CSMD3: variants seen among roughly 807,000 people sequenced by gnomAD.
CSMD3 encodes the protein CUB and sushi domain-containing protein 3.
CSMD3 carries 177 observed loss-of-function variants against 435.2 expected under a neutral mutation model. That is an observed-to-expected ratio of 0.41 (90% CI 0.36 to 0.46). The LOEUF is 0.46. Ranked by LOEUF, CSMD3 falls within the 20% of genes least tolerant of loss-of-function variation. The pLI is 0.34. For missense variants in CSMD3, 4,265 were observed against 4,504.6 expected, an observed-to-expected ratio of 0.95 and a Z score of 1.52; for synonymous variants, 1,656 against 1,520.5, an observed-to-expected ratio of 1.09 and a Z score of -2.07.
chr8:113,182,271 G>A (rs1029615145), intron 3 of CSMD3, among the ~76,000 whole-genome samples: 10 of 151,994 alleles, frequency 6.6e-5, no homozygotes, highest in African/African-American at 2.2e-4. Context: ...AGATAAGTAA[G>A]TTTTTAGTTG....
At chr8:112,577,472 A>G (rs1238021220) in intron 23 of CSMD3, among the ~76,000 whole-genome samples, 1 of 152,050 alleles carries the variant, frequency 6.6e-6, no homozygotes, top group Non-Finnish European at 1.5e-5. Context: ...AATTAAAATC[A>G]AGACCTTTAA....
intron 3 of CSMD3, among the ~76,000 whole-genome samples, chr8:113,187,733 A>G (rs1345231311): frequency 6.6e-6 from 1 of 151,990 alleles, no homozygotes; most frequent in Non-Finnish European, 1.5e-5. Flanking sequence ...CCTAATATGT[A>G]GGTAACTCCC....
At chr8:112,998,198 T>C (rs1267366150) in intron 6 of CSMD3, among the ~76,000 whole-genome samples, 2 of 151,914 alleles carry the variant, frequency 1.3e-5, no homozygotes, top group Non-Finnish European at 1.5e-5. Flanking sequence ...TAATGATTGT[T>C]TTAATGAATA....
At chr8:112,814,318 A>AGG (rs1433906623) in intron 12 of CSMD3, among the ~76,000 whole-genome samples, 1 of 152,196 alleles carries the variant, frequency 6.6e-6, no homozygotes, top group Non-Finnish European at 1.5e-5. Context: ...GTATTGAAAA[A>AGG]GGGTGTGTTC....
At chr8:112,231,921 G>C (rs1424273156) in intron 68 of CSMD3, among the ~76,000 whole-genome samples, 1 of 152,168 alleles carries the variant, frequency 6.6e-6, no homozygotes, top group African/African-American at 2.4e-5. Context: ...GAAATACAGT[G>C]ATCAATTAAA....
At chr8:112,618,176 G>A (rs1833800200) in intron 22 of CSMD3, among the ~76,000 whole-genome samples, 1 of 152,108 alleles carries the variant, frequency 6.6e-6, no homozygotes. Context: ...GTAAGATTTA[G>A]TGTGATTCAT....
At chr8:113,367,996 C>G (rs1012534061) in intron 1 of CSMD3, among the ~76,000 whole-genome samples, 32 of 152,148 alleles carry the variant, frequency 2.1e-4, no homozygotes, top group African/African-American at 7.7e-4. Flanking sequence ...AGTCCTATTG[C>G]TACCTGCTGA....
intron 35 of CSMD3, among the ~76,000 whole-genome samples, chr8:112,395,018 A>C (rs1830748043): frequency 6.6e-6 from 1 of 152,178 alleles, no homozygotes; most frequent in Non-Finnish European, 1.5e-5. Flanking sequence ...TATTTTTCTA[A>C]ACAAGCCATA....
chr8:112,792,526 G>C (rs985203008), intron 13 of CSMD3, among the ~76,000 whole-genome samples: 4 of 152,008 alleles, frequency 2.6e-5, no homozygotes, highest in African/African-American at 9.7e-5. Context: ...TCATATATGG[G>C]GGTTAGAGGT....
intron 16 of CSMD3, among the ~76,000 whole-genome samples, chr8:112,681,789 C>G (rs964024338): frequency 6.6e-6 from 1 of 152,050 alleles, no homozygotes; most frequent in African/African-American, 2.4e-5. Context: ...ATTGCTGGAA[C>G]CTGGGAGGCA....
rs1191696849 is a variant in CSMD3 at position 112,517,098 on chromosome 8, T to A, written c.4692A>T (p.Glu1564Asp). Residue 1564 changes from glutamate (E) to aspartate (D), a missense_variant, in exon 28 of 71, where the codon GAA (glutamate) becomes GAT (aspartate). Transcript: ENST00000297405. Reference sequence around the variant, plus strand: ...TTTCTACCTGAATGCAGGTTATTCTTTCCTCTCCTTGAAGTTCATATCCTG... The same window carrying A: ...TTTCTACCTGAATGCAGGTTATTCTATCCTCTCCTTGAAGTTCATATCCTG... Reference protein sequence around the residue: ...CDPGYELQGEERITCIQVENR... With the variant: ...CDPGYELQGEDRITCIQVENR... 6.2e-7 allele frequency: 1 copy of A among 1,613,828 alleles called. No individual in the cohort carries two copies. The highest frequency in any genetic ancestry group is 1.1e-5 in the South Asian group (1 of 91,088).
intron 6 of CSMD3, among the ~76,000 whole-genome samples, chr8:112,990,566 G>A (rs1338258715): frequency 6.6e-6 from 1 of 151,810 alleles, no homozygotes; most frequent in Non-Finnish European, 1.5e-5. Flanking sequence ...CAATGAATAG[G>A]AAATGCCAAG....
At chr8:112,646,744 G>A (rs969046879) in intron 19 of CSMD3, among the ~76,000 whole-genome samples, 2 of 152,118 alleles carry the variant, frequency 1.3e-5, no homozygotes, top group Non-Finnish European at 2.9e-5. Context: ...TCTGTTATTT[G>A]AAAATAATTA....
intron 2 of CSMD3, among the ~76,000 whole-genome samples, chr8:113,289,468 T>C (rs2093669409): frequency 6.6e-6 from 1 of 151,432 alleles, no homozygotes; most frequent in Non-Finnish European, 1.5e-5. Flanking sequence ...AAGTTATTTA[T>C]TTAAGGTCAA....
At chr8:113,250,643 T>G (rs966725010) in intron 3 of CSMD3, among the ~76,000 whole-genome samples, 1 of 152,094 alleles carries the variant, frequency 6.6e-6, no homozygotes, top group Non-Finnish European at 1.5e-5. Context: ...ACAGACAATC[T>G]TGTGTCTGAT....
intron 4 of CSMD3, among the ~76,000 whole-genome samples, chr8:113,130,143 T>C (rs72685859): frequency 0.097 from 14,807 of 152,044 alleles, 1,093 homozygotes; most frequent in African/African-American, 0.2. Flanking sequence ...AATGTATTCT[T>C]AAAAAAGAAG....
In CSMD3 at chr8:112,224,640, G is replaced by C; in HGVS notation, c.*131C>G. 1.2e-6 allele frequency: 1 copy of C among 869,478 alleles called. No individual in the cohort carries two copies. The highest frequency in any genetic ancestry group is 1.3e-5 in the South Asian group (1 of 74,994). 53.9% of individuals were successfully genotyped at this position (869,478 alleles called of 1,614,324 possible). On this transcript the variant is annotated 3_prime_UTR_variant, in exon 71 of 71. Transcript: ENST00000297405. ...CCAGTTTATGAAAAAACACTCTTCT[G>C]TATCATTCCTCAGGAAAAGGTGACC...
chr8:113,326,870 CTTATATA>C (rs1487530029), intron 1 of CSMD3, among the ~76,000 whole-genome samples: 1 of 151,836 alleles, frequency 6.6e-6, no homozygotes, highest in Non-Finnish European at 1.5e-5. Flanking sequence ...TCAATTTAGT[CTTATATA>C]TTATAGGAAA....
intron 1 of CSMD3, among the ~76,000 whole-genome samples, chr8:113,348,851 T>A (rs947648028): frequency 6.6e-6 from 1 of 152,122 alleles, no homozygotes; most frequent in African/African-American, 2.4e-5. Flanking sequence ...AATTAAAATG[T>A]ATTCATTTTA....
Sources: gnomAD v4.1 joint callset for allele counts (sites outside exome capture counted in the v4.1 genomes callset) on GRCh38, gnomAD v4.1.1 for gene constraint, MANE v1.5 for transcripts, NCBI Gene and HGNC (gene_info 2026-07-23, HGNC 2026-07-21) for gene names.